TTLL9: variants seen among roughly 807,000 people sequenced by gnomAD.
TTLL9 encodes the protein probable tubulin polyglutamylase TTLL9.
TTLL9 carries 47 observed loss-of-function variants against 65.6 expected under a neutral mutation model. That is an observed-to-expected ratio of 0.72 (90% confidence interval 0.57 to 0.91). The LOEUF is 0.91. Among genes scored for constraint, TTLL9 ranks in the 40% least tolerant of loss-of-function variants. The pLI is 0.00. For missense variants in TTLL9, 537 were observed against 568.8 expected (o/e 0.94, Z 0.57); for synonymous variants, 179 against 204.8 (o/e 0.87, Z 1.07).
intron 3 of TTLL9, among the ~76,000 whole-genome samples, chr20:31,891,337 A>G (rs1391476654): frequency 6.6e-6 from 1 of 152,158 alleles, no homozygotes; most frequent in Admixed American, 6.5e-5. Flanking sequence ...TCATTTCTCC[A>G]CATTCTTGTG....
At chr20:31,935,676 AG>A (rs2064097003) in intron 12 of TTLL9, among the ~76,000 whole-genome samples, 1 of 152,204 alleles carries the variant, frequency 6.6e-6, no homozygotes, top group African/African-American at 2.4e-5. Flanking sequence ...GCTGGCATTA[AG>A]GTGGACGTGG....
At chr20:31,890,634 C>T (rs754088449) in intron 3 of TTLL9, among the ~76,000 whole-genome samples, 1 of 152,130 alleles carries the variant, frequency 6.6e-6, no homozygotes, top group Non-Finnish European at 1.5e-5. Flanking sequence ...GGAGAGAAAC[C>T]AGTAAAAGGT....
At chr20:31,922,554 C>T (rs1176047624) in intron 7 of TTLL9, among the ~76,000 whole-genome samples, 1 of 152,192 alleles carries the variant, frequency 6.6e-6, no homozygotes, top group Non-Finnish European at 1.5e-5. Flanking sequence ...AATATTTGTC[C>T]TTTTGTATCT....
intron 3 of TTLL9, among the ~76,000 whole-genome samples, chr20:31,891,498 CTT>C (rs1295902113): frequency 6.9e-6 from 1 of 145,136 alleles, no homozygotes; most frequent in South Asian, 2.2e-4. Context: ...CTTATTTTAT[CTT>C]TTTTTTTTTT....
chr20:31,890,096 CCCTCCCTTCCTTCCTTCCTT>C (rs1220027159), intron 3 of TTLL9, among the ~76,000 whole-genome samples: 38 of 73,926 alleles, frequency 5.1e-4, no homozygotes, highest in African/African-American at 2.5e-3. Flanking sequence ...TGCTTTCTTT[CCCTCCCTTCCTTCCTTCCTT>C]CCTTCCTTCC....
At chr20:31,938,988 A>G (rs1218137052) in intron 13 of TTLL9, among the ~76,000 whole-genome samples, 154 bp from the exon 14 acceptor site, 2 of 152,146 alleles carry the variant, frequency 1.3e-5, no homozygotes, top group Non-Finnish European at 2.9e-5. Context: ...AGACCTACAT[A>G]GGCACCTGGG....
At chr20:31,903,115 CT>C (rs1212296690) in intron 4 of TTLL9, among the ~76,000 whole-genome samples, 4 of 152,072 alleles carry the variant, frequency 2.6e-5, no homozygotes, top group Non-Finnish European at 5.9e-5. Context: ...AGTGATCCTC[CT>C]GCCTCTGCCT....
At chr20:31,881,715 C>T (rs1024531321) in intron 2 of TTLL9, among the ~76,000 whole-genome samples, 1 of 150,936 alleles carries the variant, frequency 6.6e-6, no homozygotes, top group Admixed American at 6.6e-5. Context: ...TAGTGATCCT[C>T]CTGCCTCAGC....
intron 2 of TTLL9, among the ~76,000 whole-genome samples, chr20:31,877,547 A>C (rs2063053833): frequency 6.6e-6 from 1 of 152,246 alleles, no homozygotes; most frequent in African/African-American, 2.4e-5. Flanking sequence ...AAGATAATAA[A>C]TATAACATGT....
At chr20:31,920,220 C>G (rs2123555012) in intron 7 of TTLL9, among the ~76,000 whole-genome samples, 1 of 113,254 alleles carries the variant, frequency 8.8e-6, no homozygotes, top group Admixed American at 9.3e-5. Flanking sequence ...AGCTAATAAG[C>G]AAACACGCGC....
intron 7 of TTLL9, among the ~76,000 whole-genome samples, chr20:31,921,086 G>T (rs1475016239): frequency 6.6e-6 from 1 of 152,216 alleles, no homozygotes; most frequent in Non-Finnish European, 1.5e-5. Context: ...ATGGATATCT[G>T]TGCTCTCCAA....
chr20:31,896,058 T>C (rs1412322152), intron 3 of TTLL9, among the ~76,000 whole-genome samples: 1 of 152,192 alleles, frequency 6.6e-6, no homozygotes, highest in African/African-American at 2.4e-5. Context: ...CAGGCTGGTC[T>C]GGAACTCCTG....
In TTLL9 at chr20:31,909,355, G is replaced by A. The variant is rs1388678708; in HGVS notation, c.319-382G>A. Among the ~76,000 whole-genome samples, 4 of 151,932 alleles carry A rather than the reference G, an allele frequency of 2.6e-5. No homozygotes were observed. The East Asian group carries it at 7.7e-4, about 29-fold the overall frequency. Reference sequence around the variant, plus strand: ...GATGGGGTTTCATCATGTTAGCCAGGATGGTCTCGAACTCCTGACCTTGTG... The same window carrying A: ...GATGGGGTTTCATCATGTTAGCCAGAATGGTCTCGAACTCCTGACCTTGTG... On this transcript the variant is annotated intron_variant, in intron 5 of 14. Transcript: ENST00000535842.
intron 7 of TTLL9, 77 bp from the exon 8 acceptor site, chr20:31,922,886 T>C (rs2063833173): frequency 8.6e-7 from 1 of 1,165,962 alleles, no homozygotes; most frequent in African/African-American, 1.5e-5. Context: ...CTACCCAAAG[T>C]AGTGTCTAAC....
chr20:31,874,572 G>A (rs768834900), intron 2 of TTLL9, among the ~76,000 whole-genome samples: 6 of 152,048 alleles, frequency 3.9e-5, no homozygotes, highest in Non-Finnish European at 7.4e-5. Flanking sequence ...CCCATGCCTG[G>A]CTAATTTTTG....
At chr20:31,917,983 T>C (rs940247279) in intron 6 of TTLL9, among the ~76,000 whole-genome samples, 2 of 152,302 alleles carry the variant, frequency 1.3e-5, no homozygotes, top group South Asian at 2.1e-4. Flanking sequence ...TCTGTTCCCA[T>C]ACATCTTTCT....
chr20:31,928,168 A>G (rs2063941849), intron 10 of TTLL9, among the ~76,000 whole-genome samples: 2 of 152,006 alleles, frequency 1.3e-5, no homozygotes, highest in South Asian at 4.1e-4. Flanking sequence ...AAATGTTTGC[A>G]CAGCTCTGGG....
intron 2 of TTLL9, among the ~76,000 whole-genome samples, chr20:31,874,669 C>A (rs1234576031): frequency 6.6e-6 from 1 of 152,020 alleles, no homozygotes; most frequent in Non-Finnish European, 1.5e-5. Flanking sequence ...CTTGGCCCCC[C>A]AAAATGCTGG....
At position 31,944,597 on chromosome 20, in the gene TTLL9, T is replaced by C. The variant is rs1292127188; in HGVS notation, c.*1576T>C. ...GCTTGTTCCTTATTCTTGATTATAG[T>C]TGTATGGTATTGCACTATCTGGAGC... is the stretch of plus-strand genomic sequence containing the variant. On this transcript the variant is annotated 3_prime_UTR_variant, in exon 15 of 15. Coordinates refer to ENST00000535842, the MANE Select transcript of TTLL9 (RefSeq NM_001008409.5). The C allele has an allele frequency of 1.3e-5, 2 of 152,232 alleles. No individual in the cohort carries two copies. Among genetic ancestry groups the C allele is most frequent in the Admixed American group, 6.5e-5 (1 of 15,284 alleles). The allele number at this position is 152,232 out of a possible 1,614,324, so 9.4% of individuals were successfully genotyped here.
Sources: gnomAD v4.1 joint callset for allele counts (sites outside exome capture counted in the v4.1 genomes callset) on GRCh38, gnomAD v4.1.1 for gene constraint, MANE v1.5 for transcripts, NCBI Gene and HGNC (gene_info 2026-07-23, HGNC 2026-07-21) for gene names.